Variants in IGSF21 observed in about 807,000 individuals in gnomAD.
IGSF21 encodes the protein immunoglobulin superfamily member 21.
A neutral mutation model predicts 46.8 loss-of-function variants in IGSF21; 28 were observed. The ratio of observed to expected loss-of-function variants is 0.60; its 90% CI spans 0.44 to 0.82. IGSF21 has a LOEUF of 0.82. Ranked by LOEUF, IGSF21 falls within the 40% of genes least tolerant of loss-of-function variation. The pLI, the probability that IGSF21 is intolerant of heterozygous loss-of-function variation, is 0.00. For synonymous variants in IGSF21, 284 were observed against 273.6 expected, an observed-to-expected ratio of 1.04 and a Z score of -0.38; for missense variants, 624 against 665.5, an observed-to-expected ratio of 0.94 and a Z score of 0.69.
chr1:18,301,078 A>C (rs570782798), intron 3 of IGSF21, among the ~76,000 whole-genome samples: 71 of 152,334 alleles, frequency 4.7e-4, no homozygotes, highest in African/African-American at 1.7e-3. Context: ...ACTCTTTCCC[A>C]ACCCATCATC....
At chr1:18,153,588 G>T (rs896536389) in intron 1 of IGSF21, among the ~76,000 whole-genome samples, 4 of 152,194 alleles carry the variant, frequency 2.6e-5, no homozygotes, top group Admixed American at 2.6e-4. Flanking sequence ...ACCAGGTGCC[G>T]AAGGTGAATT....
chr1:18,206,747 G>A (rs1049189882), intron 1 of IGSF21, among the ~76,000 whole-genome samples: 3 of 152,166 alleles, frequency 2.0e-5, no homozygotes, highest in African/African-American at 4.8e-5. Context: ...GCCATGGAGA[G>A]GACTTTGGCT....
intron 1 of IGSF21, among the ~76,000 whole-genome samples, chr1:18,177,899 C>A (rs765725305): frequency 6.6e-6 from 1 of 151,876 alleles, no homozygotes; most frequent in South Asian, 2.1e-4. Flanking sequence ...GATGAAGAGG[C>A]GCTGAGATTG....
intron 8 of IGSF21, 96 bp downstream of exon 8, chr1:18,377,088 AT>A: frequency 5.2e-6 from 7 of 1,348,212 alleles, no homozygotes; most frequent in Non-Finnish European, 7.0e-6. Context: ...GGGGCCCAAA[AT>A]TTTGGGCCTA....
chr1:18,273,353 TC>T (rs2085063005), intron 2 of IGSF21, among the ~76,000 whole-genome samples: 3 of 107,672 alleles, frequency 2.8e-5, no homozygotes, highest in African/African-American at 1.3e-4. Flanking sequence ...TCCTTTCCTT[TC>T]CTTTCCTTTC....
At chr1:18,351,308 T>A (rs1411459574) in intron 4 of IGSF21, among the ~76,000 whole-genome samples, 1 of 92,566 alleles carries the variant, frequency 1.1e-5, no homozygotes, top group Non-Finnish European at 2.3e-5. Flanking sequence ...ATTCTATGGG[T>A]GGGGGGGTAG....
At chr1:18,260,772 T>G (rs1400180788) in intron 2 of IGSF21, among the ~76,000 whole-genome samples, 2 of 152,198 alleles carry the variant, frequency 1.3e-5, no homozygotes, top group Non-Finnish European at 2.9e-5. Flanking sequence ...AGTCCCTGTT[T>G]TAGCTATTCC....
chr1:18,272,304 CAAGAT>C (rs1159603280), intron 2 of IGSF21, among the ~76,000 whole-genome samples: 1 of 121,796 alleles, frequency 8.2e-6, no homozygotes, highest in African/African-American at 3.1e-5. Flanking sequence ...AGCTACAATT[CAAGAT>C]GAGATTGGGG....
chr1:18,314,725 C>T (rs1379891156), intron 3 of IGSF21, among the ~76,000 whole-genome samples: 1 of 152,186 alleles, frequency 6.6e-6, no homozygotes, highest in Non-Finnish European at 1.5e-5. Flanking sequence ...TGCTACCCTA[C>T]CTCTCAGAAA....
chr1:18,319,862 G>A (rs1038056278), intron 3 of IGSF21, among the ~76,000 whole-genome samples: 1 of 152,038 alleles, frequency 6.6e-6, no homozygotes, highest in Admixed American at 6.5e-5. Flanking sequence ...TGTAATCACC[G>A]ACCTGCTATA....
At position 18,378,269 on chromosome 1, in the gene IGSF21, C is replaced by T. The variant is rs1427719875; in HGVS notation, c.1347C>T (p.Pro449=). 2 of 1,614,032 alleles carry T rather than the reference C, an allele frequency of 1.2e-6. No individual in the cohort carries two copies. The highest frequency in any genetic ancestry group is 1.7e-5 in the Admixed American group (1 of 60,020). The change falls in exon 10 of 10, where the codon CCC becomes CCT. Residue 449 remains proline, a synonymous_variant. Coordinates refer to ENST00000251296, the MANE Select transcript of IGSF21 (RefSeq NM_032880.5). ...GTEDSNGSIG[P]TGARLTLVLA... ...TTCCTGGCACAGGTTCCATTGGCCCCACTGGTGCCCGGCTCACCTTGGTGC... is the reference window on the plus strand; with the variant it reads ...TTCCTGGCACAGGTTCCATTGGCCCTACTGGTGCCCGGCTCACCTTGGTGC...
At chr1:18,347,447 C>A (rs932790366) in intron 4 of IGSF21, among the ~76,000 whole-genome samples, 1 of 152,196 alleles carries the variant, frequency 6.6e-6, no homozygotes, top group Admixed American at 6.5e-5. Context: ...AGAGGGACAT[C>A]CACCTCTCTG....
At chr1:18,278,580 G>T (rs965820453) in intron 2 of IGSF21, among the ~76,000 whole-genome samples, 1 of 149,940 alleles carries the variant, frequency 6.7e-6, no homozygotes, top group African/African-American at 2.5e-5. Context: ...TTGAGACAGG[G>T]TCTTGTCCTG....
intron 1 of IGSF21, among the ~76,000 whole-genome samples, chr1:18,154,251 A>T (rs1176541506): frequency 6.6e-6 from 1 of 151,996 alleles, no homozygotes; most frequent in Non-Finnish European, 1.5e-5. Context: ...CTCTCCTTAC[A>T]GGGGACTTGG....
chr1:18,345,566 G>C (rs1328291351), intron 4 of IGSF21, among the ~76,000 whole-genome samples: 1 of 152,020 alleles, frequency 6.6e-6, no homozygotes, highest in Admixed American at 6.6e-5. Flanking sequence ...TGTATTTTTA[G>C]TAGAGACATG....
intron 1 of IGSF21, among the ~76,000 whole-genome samples, chr1:18,174,046 G>A (rs937536541): frequency 2.0e-5 from 3 of 152,178 alleles, no homozygotes; most frequent in African/African-American, 4.8e-5. Context: ...GAGCCACCGC[G>A]CCTGGCCTCT....
At position 18,280,231 on chromosome 1, in the gene IGSF21, C is replaced by T. The variant is rs1214886860; in HGVS notation, c.184-11635C>T. Among the ~76,000 whole-genome samples the T allele has an allele frequency of 2.6e-5, 4 of 152,256 alleles. No homozygotes were observed. The East Asian group carries it at 7.7e-4, about 29-fold the overall frequency. The stretch of plus-strand genomic sequence containing the variant: ...TGGGATCAGATAGGACTCTGCCATG[C>T]TCCCGCCCCCCACACCTGCCCTGTT... On this transcript the variant is annotated intron_variant, in intron 2 of 9. Coordinates refer to ENST00000251296, the MANE Select transcript of IGSF21 (RefSeq NM_032880.5).
rs74583946 is a variant in IGSF21, at chr1:18,315,135, C to A, written c.306-19757C>A. Among the ~76,000 whole-genome samples, 1,300 of 152,188 alleles carry A rather than the reference C, an allele frequency of 8.5e-3. 11 individuals carry two copies. The highest frequency in any genetic ancestry group is 0.014 in the Non-Finnish European group (952 of 68,012). On this transcript the variant is annotated intron_variant, in intron 3 of 9. Coordinates refer to ENST00000251296, the MANE Select transcript of IGSF21 (RefSeq NM_032880.5). ...CGATGGGGCGGGGATAGGAGAGGAT[C>A]TCAGCAGTGGAGAGCATTTCCACGG... is the stretch of plus-strand genomic sequence containing the variant.
rs376861872 is a variant in IGSF21 at position 18,227,556 on chromosome 1, T to C, written c.71-342T>C. Among the ~76,000 whole-genome samples the C allele has an allele frequency of 7.6e-4, 115 of 151,894 alleles. 2 individuals carry two copies. The highest frequency in any genetic ancestry group is 3.4e-3 in the Middle Eastern group (1 of 294). On this transcript the variant is annotated intron_variant, in intron 1 of 9. Coordinates refer to ENST00000251296, the MANE Select transcript of IGSF21 (RefSeq NM_032880.5). ...CAGAAGCCTTCTCTGGGGTATCTTA[T>C]AGAAATACATTGAGGCTGTTCTTGG...
Sources: allele counts gnomAD v4.1 joint callset (sites outside exome capture counted in the v4.1 genomes callset), GRCh38; gene constraint gnomAD v4.1.1; transcripts MANE v1.5; gene names NCBI Gene and HGNC (gene_info 2026-07-23, HGNC 2026-07-21).